Variants in KLF12 observed in about 807,000 individuals in gnomAD.
The protein encoded by KLF12 is Krueppel-like factor 12.
In KLF12, 9 loss-of-function variants were observed where a neutral mutation model predicts 37.8. The ratio of observed to expected loss-of-function variants is 0.24; its 90% confidence interval spans 0.14 to 0.42. The LOEUF is 0.42. Among genes scored for constraint, KLF12 ranks in the 10% least tolerant of loss-of-function variants. KLF12 has a pLI of 1.00. For synonymous variants in KLF12, 208 were observed against 202.1 expected (o/e 1.03, Z -0.25); for missense variants, 411 against 516.0 (o/e 0.80, Z 1.97).
chr13:74,076,783 C>T (rs1179744515), intron 1 of KLF12, among the ~76,000 whole-genome samples: 1 of 152,078 alleles, frequency 6.6e-6, no homozygotes, highest in African/African-American at 2.4e-5. Flanking sequence ...CTTTCTGCTC[C>T]TCTCCCTCCT....
At chr13:74,102,612 G>A (rs572495661) in intron 1 of KLF12, among the ~76,000 whole-genome samples, 10 of 152,012 alleles carry the variant, frequency 6.6e-5, no homozygotes, top group South Asian at 2.1e-4. Context: ...CAGGAGAATC[G>A]CTTGCACCTG....
At chr13:73,820,671 A>C (rs1883473340) in intron 4 of KLF12, among the ~76,000 whole-genome samples, 1 of 151,928 alleles carries the variant, frequency 6.6e-6, no homozygotes, top group Admixed American at 6.6e-5. Flanking sequence ...GTGTAGATAT[A>C]ATATGCAATT....
At chr13:74,056,609 G>A (rs1873259439) in intron 1 of KLF12, among the ~76,000 whole-genome samples, 1 of 152,164 alleles carries the variant, frequency 6.6e-6, no homozygotes, top group Non-Finnish European at 1.5e-5. Context: ...TCTACAAATA[G>A]GCTCAGAAAA....
the KLF12 span, among the ~76,000 whole-genome samples, chr13:74,235,912 AT>A: frequency 3.7e-4 from 53 of 143,594 alleles, no homozygotes; most frequent in Admixed American, 1.8e-3. Flanking sequence ...TTATTTTTTA[AT>A]TTTTTTATTT....
the KLF12 span, among the ~76,000 whole-genome samples, chr13:74,214,015 T>C: frequency 6.6e-6 from 1 of 152,214 alleles, no homozygotes; most frequent in Non-Finnish European, 1.5e-5. Context: ...ATTATTTATA[T>C]TGCTATGACT....
intron 3 of KLF12, among the ~76,000 whole-genome samples, chr13:73,886,475 G>C (rs191074089): frequency 2.0e-5 from 3 of 152,178 alleles, no homozygotes; most frequent in Admixed American, 6.5e-5. Flanking sequence ...GGAAAAATAG[G>C]GGGGTAGGGT....
chr13:74,091,762 C>A (rs1314908740), intron 1 of KLF12, among the ~76,000 whole-genome samples: 1 of 151,972 alleles, frequency 6.6e-6, no homozygotes, highest in East Asian at 1.9e-4. Flanking sequence ...GTGAATTTGT[C>A]TAAAAGCTAT....
chr13:73,790,199 A>G (rs1437806909), intron 5 of KLF12, among the ~76,000 whole-genome samples: 1 of 152,232 alleles, frequency 6.6e-6, no homozygotes, highest in Non-Finnish European at 1.5e-5. Flanking sequence ...AGCAATTCAT[A>G]GTAGCTTCCA....
rs535736554 is a variant in KLF12 at position 73,902,959 on chromosome 13, A to T, written c.123+41022T>A. On this transcript the variant is annotated intron_variant, in intron 3 of 7. Coordinates refer to ENST00000377669, the MANE Select transcript of KLF12 (RefSeq NM_007249.5). ...CTTTTGGAGAACTGCTGAGACATCTATCTGTATATTCTCCATTAGTTTATC... is the reference window on the plus strand; with the variant it reads ...CTTTTGGAGAACTGCTGAGACATCTTTCTGTATATTCTCCATTAGTTTATC... Among the ~76,000 whole-genome samples the T allele has an allele frequency of 3.9e-5, 6 of 152,360 alleles. No individual in the cohort carries two copies. In the South Asian group the frequency reaches 1.2e-3, roughly 32 times the overall value.
the KLF12 span, among the ~76,000 whole-genome samples, chr13:74,224,817 C>G: frequency 6.6e-6 from 1 of 151,982 alleles, no homozygotes; most frequent in Non-Finnish European, 1.5e-5. Context: ...CCAAGCATGC[C>G]AAAATGTCAA....
chr13:74,234,720 G>C, the KLF12 span, among the ~76,000 whole-genome samples: 1 of 151,562 alleles, frequency 6.6e-6, no homozygotes. Context: ...ACATTTTGTA[G>C]GTTTTGCCAC....
intron 2 of KLF12, among the ~76,000 whole-genome samples, chr13:73,944,662 C>G (rs917704302): frequency 1.3e-5 from 2 of 152,194 alleles, no homozygotes; most frequent in African/African-American, 4.8e-5. Flanking sequence ...TTAGGCTAAA[C>G]TAAATAACAA....
chr13:73,795,686 T>C (rs1024994410), intron 5 of KLF12, among the ~76,000 whole-genome samples: 2 of 152,312 alleles, frequency 1.3e-5, no homozygotes, highest in South Asian at 2.1e-4. Flanking sequence ...TAAGAAACTC[T>C]TGTTTTTCCA....
intron 3 of KLF12, among the ~76,000 whole-genome samples, chr13:73,935,365 G>A (rs902685364): frequency 2.6e-5 from 4 of 152,032 alleles, no homozygotes; most frequent in Admixed American, 1.3e-4. Context: ...GTCATCCACT[G>A]TATTTTTAAA....
chr13:73,789,149 T>C (rs1277131921), intron 5 of KLF12, among the ~76,000 whole-genome samples: 2 of 152,168 alleles, frequency 1.3e-5, no homozygotes, highest in African/African-American at 2.4e-5. Context: ...AAATGGAAGG[T>C]TGGCAGACCT....
intron 4 of KLF12, among the ~76,000 whole-genome samples, chr13:73,828,646 C>G (rs1169211164): frequency 4.6e-5 from 7 of 152,162 alleles, no homozygotes; most frequent in African/African-American, 1.4e-4. Context: ...TACATTCAAC[C>G]CTTCATGCCC....
chr13:74,144,313 C>G, the KLF12 span, among the ~76,000 whole-genome samples: 1 of 152,118 alleles, frequency 6.6e-6, no homozygotes, highest in South Asian at 2.1e-4. Context: ...ACTTGACAGA[C>G]CCAACAGATT....
chr13:73,976,124 C>A (rs992335751), intron 2 of KLF12, among the ~76,000 whole-genome samples: 1 of 151,372 alleles, frequency 6.6e-6, no homozygotes, highest in Non-Finnish European at 1.5e-5. Flanking sequence ...AATGAATGGG[C>A]CATGACAGAA....
At chr13:74,225,696 T>G in the KLF12 span, among the ~76,000 whole-genome samples, 1 of 152,148 alleles carries the variant, frequency 6.6e-6, no homozygotes, top group South Asian at 2.1e-4. Flanking sequence ...CAGATAAAGT[T>G]ACAATAAAAT....
Sources: allele counts gnomAD v4.1 joint callset (sites outside exome capture counted in the v4.1 genomes callset), GRCh38; gene constraint gnomAD v4.1.1; transcripts MANE v1.5; gene names NCBI Gene and HGNC (gene_info 2026-07-23, HGNC 2026-07-21).